Variants in TAFA1 observed in about 807,000 individuals in gnomAD.
TAFA1 encodes the protein chemokine-like protein TAFA-1.
In TAFA1, 4 loss-of-function variants were observed where a neutral mutation model predicts 18.5. The ratio of observed to expected loss-of-function variants is 0.22; its 90% CI spans 0.11 to 0.49. The LOEUF (loss-of-function observed/expected upper bound fraction) is 0.49, where lower values mean the gene tolerates loss of function less well. Among genes scored for constraint, TAFA1 ranks in the 20% least tolerant of loss-of-function variants. The pLI, the probability that TAFA1 is intolerant of heterozygous loss-of-function variation, is 0.98. For synonymous variants in TAFA1, 56 were observed against 55.2 expected (o/e 1.01, Z -0.06); for missense variants, 147 against 169.0 (o/e 0.87, Z 0.72).
chr3:68,178,780 G>A (rs988684758), intron 2 of TAFA1, among the ~76,000 whole-genome samples: 7 of 152,216 alleles, frequency 4.6e-5, no homozygotes, highest in Admixed American at 2.0e-4. Flanking sequence ...TGTTATCCAC[G>A]TAAGGAGTTT....
At chr3:68,087,838 C>G (rs2064989276) in intron 2 of TAFA1, among the ~76,000 whole-genome samples, 2 of 151,868 alleles carry the variant, frequency 1.3e-5, no homozygotes, top group African/African-American at 4.8e-5. Context: ...CGATCTCTTA[C>G]TATTGGAATT....
At chr3:68,080,682 T>C (rs981559435) in intron 2 of TAFA1, among the ~76,000 whole-genome samples, 4 of 152,212 alleles carry the variant, frequency 2.6e-5, no homozygotes, top group South Asian at 2.1e-4. Context: ...CCGAGAGATC[T>C]GCTGTTAGTC....
intron 2 of TAFA1, among the ~76,000 whole-genome samples, chr3:68,229,972 A>G (rs2066850933): frequency 6.6e-6 from 1 of 151,888 alleles, no homozygotes; most frequent in South Asian, 2.1e-4. Context: ...TTTAATTTTT[A>G]TTTTTTACTT....
At chr3:68,078,244 T>C (rs956448143) in intron 2 of TAFA1, among the ~76,000 whole-genome samples, 2 of 152,140 alleles carry the variant, frequency 1.3e-5, no homozygotes, top group Non-Finnish European at 2.9e-5. Flanking sequence ...TATACAATCA[T>C]GTCATCTGCA....
chr3:68,217,777 C>T (rs960748298), intron 2 of TAFA1, among the ~76,000 whole-genome samples: 1 of 151,284 alleles, frequency 6.6e-6, no homozygotes, highest in African/African-American at 2.4e-5. Context: ...TTTTTCAAAC[C>T]CTTTATATGT....
intron 2 of TAFA1, among the ~76,000 whole-genome samples, chr3:68,146,624 C>T (rs559472699): frequency 1.2e-4 from 18 of 152,200 alleles, no homozygotes; most frequent in Non-Finnish European, 2.2e-4. Context: ...TTATGGTTTA[C>T]TCTAGAATTC....
intron 3 of TAFA1, among the ~76,000 whole-genome samples, chr3:68,498,968 G>A (rs1370559315): frequency 1.3e-5 from 2 of 151,896 alleles, no homozygotes; most frequent in Non-Finnish European, 2.9e-5. Context: ...ACATGTATAG[G>A]CTGGGGCCTA....
chr3:68,471,187 G>A (rs563682905), intron 3 of TAFA1, among the ~76,000 whole-genome samples: 1 of 152,348 alleles, frequency 6.6e-6, no homozygotes, highest in African/African-American at 2.4e-5. Flanking sequence ...GATTTCAGAG[G>A]ATGTATGGAA....
At chr3:68,459,439 TAAG>T in intron 3 of TAFA1, among the ~76,000 whole-genome samples, 2 of 152,334 alleles carry the variant, frequency 1.3e-5, no homozygotes, top group Admixed American at 1.3e-4. Context: ...TAAAAATTTT[TAAG>T]TAGTGACTCA....
In TAFA1 at chr3:68,197,250, G is replaced by A. The variant is rs115109444; in HGVS notation, c.118+190506G>A. Among the ~76,000 whole-genome samples the A allele has an allele frequency of 5.5e-3, 831 of 151,740 alleles. 3 individuals are homozygous for A. Among genetic ancestry groups the A allele is most frequent in the African/African-American group, 0.018 (753 of 41,456 alleles). ...TTCTTTTATTTAGAATGATTTGCCC[G>A]TAAACAGAACATTTATACTGTGCTA... On this transcript the variant is annotated intron_variant, in intron 2 of 4. Transcript: ENST00000478136.
intron 3 of TAFA1, among the ~76,000 whole-genome samples, chr3:68,479,754 A>T (rs972473634): frequency 7.9e-5 from 12 of 152,170 alleles, no homozygotes; most frequent in Non-Finnish European, 1.8e-4. Context: ...CATTCAAATC[A>T]TAGGGACTAA....
At chr3:68,439,408 C>CATATATATATATATATATAT (rs1341782542) in intron 3 of TAFA1, among the ~76,000 whole-genome samples, 1 of 28,234 alleles carries the variant, frequency 3.5e-5, no homozygotes, top group Non-Finnish European at 5.9e-5. Context: ...AATATATATA[C>CATATATATATATATATATAT]ATACATATAT....
chr3:68,292,740 G>A (rs1000121852), intron 2 of TAFA1, among the ~76,000 whole-genome samples: 10 of 151,946 alleles, frequency 6.6e-5, no homozygotes, highest in Non-Finnish European at 1.0e-4. Context: ...ACAGGGTCTC[G>A]CTATGTTGCC....
rs142745717 is a variant in TAFA1, at chr3:68,544,153, G to A, written c.385-333G>A. Among the ~76,000 whole-genome samples the A allele has an allele frequency of 4.5e-3, 677 of 152,072 alleles. 5 individuals are homozygous for A. Among genetic ancestry groups the A allele is most frequent in the Middle Eastern group, 0.027 (8 of 294 alleles). On this transcript the variant is annotated intron_variant, in intron 4 of 4. Transcript: ENST00000478136. ...TGGCAACAGAAGAACATTAAACCAA[G>A]CAGGAGGCTCTTTCCAGGATAGGGC...
At chr3:68,117,602 A>G (rs916224584) in intron 2 of TAFA1, among the ~76,000 whole-genome samples, 4 of 152,252 alleles carry the variant, frequency 2.6e-5, no homozygotes, top group East Asian at 1.9e-4. Context: ...TGCAAATGAG[A>G]GTTTCACAGT....
chr3:68,218,538 T>A (rs1470792315), intron 2 of TAFA1, among the ~76,000 whole-genome samples: 1 of 152,138 alleles, frequency 6.6e-6, no homozygotes, highest in African/African-American at 2.4e-5. Context: ...TCTTTATGTC[T>A]GTTTGTATTT....
chr3:68,392,403 A>G (rs1201585727), intron 2 of TAFA1, among the ~76,000 whole-genome samples: 2 of 152,108 alleles, frequency 1.3e-5, no homozygotes, highest in Admixed American at 6.6e-5. Context: ...CTCCCACACA[A>G]TAATAGAGGG....
chr3:68,037,532 T>C (rs1330162943), intron 2 of TAFA1, among the ~76,000 whole-genome samples: 1 of 152,212 alleles, frequency 6.6e-6, no homozygotes, highest in African/African-American at 2.4e-5. Flanking sequence ...ACAGTTTCCA[T>C]TTTTTTCCAA....
chr3:68,099,254 G>A (rs989300877), intron 2 of TAFA1, among the ~76,000 whole-genome samples: 3 of 152,088 alleles, frequency 2.0e-5, no homozygotes, highest in African/African-American at 7.2e-5. Flanking sequence ...CACAAACTAT[G>A]AATCTGAGGA....
Sources: allele counts gnomAD v4.1 joint callset (sites outside exome capture counted in the v4.1 genomes callset), GRCh38; gene constraint gnomAD v4.1.1; transcripts MANE v1.5; gene names NCBI Gene and HGNC (gene_info 2026-07-23, HGNC 2026-07-21).